The following RIC1 variants were observed in gnomAD, a reference collection of about 807,000 sequenced individuals.
The protein encoded by RIC1 is RIC1 partner of RAB6A GEF complex, also known as guanine nucleotide exchange factor subunit RIC1.
RIC1 carries 88 observed loss-of-function variants against 169.0 expected under a neutral mutation model. That is an observed-to-expected ratio of 0.52 (90% confidence interval 0.44 to 0.62). RIC1 has a LOEUF of 0.62. Among genes scored for constraint, RIC1 ranks in the 20% least tolerant of loss-of-function variants. The pLI, the probability that RIC1 is intolerant of heterozygous loss-of-function variation, is 0.00. For missense variants in RIC1, 1,877 were observed against 1,725.5 expected (o/e 1.09, Z -1.56); for synonymous variants, 790 against 601.5 (o/e 1.31, Z -4.59).
intron 3 of RIC1, among the ~76,000 whole-genome samples, chr9:5,695,920 C>T (rs1586965131): frequency 6.6e-6 from 1 of 151,262 alleles, no homozygotes; most frequent in Admixed American, 6.6e-5. Context: ...ACTCACTTAC[C>T]CCCTGCCAAG....
At chr9:5,656,476 T>G (rs897900548) in intron 1 of RIC1, 107 bp from the exon 2 acceptor site, 16 of 533,562 alleles carry the variant, frequency 3.0e-5, no homozygotes, top group Non-Finnish European at 5.1e-5. Flanking sequence ...TTGTCTTTTA[T>G]TTTACTGTAA....
chr9:5,749,613 A>G (rs1825600341), intron 12 of RIC1, among the ~76,000 whole-genome samples: 1 of 152,044 alleles, frequency 6.6e-6, no homozygotes, highest in Non-Finnish European at 1.5e-5. Context: ...TTAGAGTACT[A>G]GCTTTTTGTT....
At chr9:5,685,430 A>G (rs1479836955) in intron 2 of RIC1, among the ~76,000 whole-genome samples, 1 of 150,746 alleles carries the variant, frequency 6.6e-6, no homozygotes. Context: ...AAACAGAGAT[A>G]TAGATCAATG....
Position 5,757,548 on chromosome 9 carries a change from G to C in RIC1, c.1992+97G>C, listed in dbSNP as rs540309297. On this transcript the variant is annotated intron_variant, in intron 17 of 25. Transcript: ENST00000414202. ...TATTTGTTTGGCAAATAAATACTAA[G>C]TGTCTAAAATGTACCTTATATGAGA... 3.8e-6 allele frequency: 5 copies of C among 1,314,530 alleles called. No homozygotes were observed. In the South Asian group the frequency reaches 5.2e-5, roughly 14 times the overall value. 81.4% of individuals were successfully genotyped at this position (1,314,530 alleles called of 1,614,324 possible).
At chr9:5,669,908 T>C (rs969670384) in intron 2 of RIC1, among the ~76,000 whole-genome samples, 2 of 152,200 alleles carry the variant, frequency 1.3e-5, no homozygotes, top group Non-Finnish European at 2.9e-5. Flanking sequence ...GATTGGAGGA[T>C]GAGCCACCTA....
At chr9:5,686,772 T>G (rs987657230) in intron 2 of RIC1, among the ~76,000 whole-genome samples, 1 of 150,174 alleles carries the variant, frequency 6.7e-6, no homozygotes, top group Non-Finnish European at 1.5e-5. Context: ...AAACTTAAAG[T>G]ATAATAATAA....
At chr9:5,630,515 G>T (rs1301318773) in intron 1 of RIC1, among the ~76,000 whole-genome samples, 1 of 152,132 alleles carries the variant, frequency 6.6e-6, no homozygotes, top group Non-Finnish European at 1.5e-5. Flanking sequence ...TACCTGTAAT[G>T]CCCTTGACAG....
intron 2 of RIC1, among the ~76,000 whole-genome samples, chr9:5,676,099 G>A (rs1020462323): frequency 6.6e-6 from 1 of 152,032 alleles, no homozygotes; most frequent in Non-Finnish European, 1.5e-5. Flanking sequence ...TAAAGCTAAC[G>A]AAAGACGAGG....
At chr9:5,671,300 T>C (rs1241723006) in intron 2 of RIC1, among the ~76,000 whole-genome samples, 3 of 151,232 alleles carry the variant, frequency 2.0e-5, no homozygotes, top group Admixed American at 6.6e-5. Flanking sequence ...GACGGCATCT[T>C]GCTCTGTCAC....
At chr9:5,741,664 G>A (rs1201982218) in intron 8 of RIC1, among the ~76,000 whole-genome samples, 4 of 151,988 alleles carry the variant, frequency 2.6e-5, no homozygotes, top group Admixed American at 6.6e-5. Context: ...CAATCTGTAT[G>A]CATCCTGCTC....
intron 3 of RIC1, among the ~76,000 whole-genome samples, chr9:5,707,681 T>C (rs2130802435): frequency 6.6e-6 from 1 of 152,224 alleles, no homozygotes; most frequent in East Asian, 1.9e-4. Flanking sequence ...GTTTGTTTGT[T>C]TGTTTCTGAT....
intron 1 of RIC1, among the ~76,000 whole-genome samples, chr9:5,642,984 A>G (rs4742109): frequency 6.6e-6 from 1 of 151,984 alleles, no homozygotes; most frequent in Non-Finnish European, 1.5e-5. Flanking sequence ...AATAGAAGAT[A>G]TTATGAAGGA....
At chr9:5,765,832 G>A (rs921549143) in intron 21 of RIC1, 34 bp downstream of exon 21, 2 of 1,611,194 alleles carry the variant, frequency 1.2e-6, no homozygotes, top group African/African-American at 1.3e-5. Flanking sequence ...TGCTTTTTGG[G>A]CATTCATGAC....
rs1472460548 is a variant in RIC1, at chr9:5,629,461, G to C, written c.144+8G>C. Reference sequence around the variant, plus strand: ...AGCATCTGGTACAGCCGAGTAAGTAGAGCCGCCCGCCGCCTTTCGCCGCTG... The same window carrying C: ...AGCATCTGGTACAGCCGAGTAAGTACAGCCGCCCGCCGCCTTTCGCCGCTG... On this transcript the variant is annotated splice_region_variant and intron_variant, in intron 1 of 25. Transcript: ENST00000414202. 3.3e-6 allele frequency: 5 copies of C among 1,527,112 alleles called. No homozygotes were observed. In the South Asian group the frequency reaches 3.6e-5, roughly 11 times the overall value. 94.6% of individuals were successfully genotyped at this position (1,527,112 alleles called of 1,614,324 possible).
rs776833202 is a variant in RIC1, at chr9:5,769,026, G to C, written c.3194G>C (p.Arg1065Thr). The change falls in exon 22 of 26, where the codon AGA becomes ACA. Residue 1065 changes from arginine (R) to threonine (T), a missense_variant. Physicochemically the swap from Arg to Thr is moderately conservative, Grantham distance 71 (BLOSUM62 -1). Coordinates refer to ENST00000414202, the MANE Select transcript of RIC1 (RefSeq NM_020829.4). Reference protein sequence around the residue: ...ENMYIDMMLWRHARRLLEDVR... With the variant: ...ENMYIDMMLWTHARRLLEDVR... ...ATGTATATTGACATGATGCTCTGGA[G>C]ACATGCTCGGCGCCTCTTAGAAGAT... 1.9e-6 allele frequency: 3 copies of C among 1,614,100 alleles called. No individual in the cohort carries two copies. In the South Asian group the frequency reaches 3.3e-5, roughly 18 times the overall value.
chr9:5,767,656 C>T (rs1826880523), intron 21 of RIC1, among the ~76,000 whole-genome samples: 1 of 152,146 alleles, frequency 6.6e-6, no homozygotes, highest in Non-Finnish European at 1.5e-5. Flanking sequence ...GGCTTGATCT[C>T]GGCTCATCGC....
chr9:5,756,163 C>G (rs1826000327), intron 15 of RIC1, 49 bp from the exon 16 acceptor site: 1 of 1,288,026 alleles, frequency 7.8e-7, no homozygotes, highest in Non-Finnish European at 1.0e-6. Flanking sequence ...TTGGTCATCC[C>G]TAGTAGTTAT....
chr9:5,713,164 G>T (rs1469766945), intron 3 of RIC1: 2 of 152,192 alleles, frequency 1.3e-5, no homozygotes, highest in African/African-American at 4.8e-5. Flanking sequence ...GTTGCCACAA[G>T]TGATAGCTGA....
chr9:5,707,175 C>A (rs1822642960), intron 3 of RIC1, among the ~76,000 whole-genome samples: 1 of 152,032 alleles, frequency 6.6e-6, no homozygotes, highest in East Asian at 1.9e-4. Flanking sequence ...TTTTGAATTT[C>A]CACATATTTG....
Sources: gnomAD v4.1 joint callset for allele counts (sites outside exome capture counted in the v4.1 genomes callset) on GRCh38, gnomAD v4.1.1 for gene constraint, MANE v1.5 for transcripts, NCBI Gene and HGNC (gene_info 2026-07-23, HGNC 2026-07-21) for gene names.